Variants in ABI3BP observed in about 807,000 individuals in gnomAD.
The protein encoded by ABI3BP is ABI family member 3 binding protein.
ABI3BP carries 216 observed loss-of-function variants against 268.6 expected under a neutral mutation model. That is an observed-to-expected ratio of 0.80 (90% CI 0.72 to 0.90). The LOEUF (loss-of-function observed/expected upper bound fraction) is 0.90. ABI3BP is among the 40% of genes least tolerant of loss of function. The probability of loss-of-function intolerance (pLI) is 0.00; values close to 1 mark genes in which losing one functional copy is unlikely to be tolerated. For synonymous variants in ABI3BP, 730 were observed against 730.0 expected, an observed-to-expected ratio of 1.00 and a Z score of 0.00; for missense variants, 2,090 against 2,182.4, an observed-to-expected ratio of 0.96 and a Z score of 0.84.
rs748846576 is a variant in ABI3BP, at chr3:100,886,209, A to G, written c.576T>C (p.Phe192=). 1.9e-6 allele frequency: 3 copies of G among 1,609,180 alleles called. No individual in the cohort carries two copies. In the East Asian group the frequency reaches 6.7e-5, roughly 36 times the overall value. Reference sequence around the variant, plus strand: ...CACCTTCCACATTGTCTTTCACTCCAAATTCATAAACTGTGTTGGGCTTTA... The same window carrying G: ...CACCTTCCACATTGTCTTTCACTCCGAATTCATAAACTGTGTTGGGCTTTA... The part of the protein sequence containing the change: ...ENLKPNTVYE[F]GVKDNVEGGI... The change falls in exon 5 of 68, where the codon TTT becomes TTC. Residue 192 remains phenylalanine (F), a synonymous_variant. Coordinates refer to ENST00000471714, the MANE Select transcript of ABI3BP (RefSeq NM_001375547.2).
At position 100,794,999 on chromosome 3, in the gene ABI3BP, AG is replaced by A; in HGVS notation, c.3869del (p.Pro1290LeufsTer2). On this transcript the variant is annotated frameshift_variant, in exon 54 of 68. Coordinates refer to ENST00000471714, the MANE Select transcript of ABI3BP (RefSeq NM_001375547.2). LOFTEE classifies it high-confidence loss of function. ...TAAAAGGGATGCCTCGTGTCTCTAGAGGAGCTGCAAAAAGAAAAGGACCAAG... is the reference window on the plus strand; with the variant it reads ...TAAAAGGGATGCCTCGTGTCTCTAGAGAGCTGCAAAAAGAAAAGGACCAAG... ...RFEPPKTTIA[P>X]LETRGIPFIP... The A allele has an allele frequency of 6.7e-7, 1 of 1,496,652 alleles. No individual in the cohort carries two copies. The allele number at this position is 1,496,652 out of a possible 1,614,324, so 92.7% of individuals were successfully genotyped here. A position where few individuals can be genotyped will look rare whatever the true frequency, so the allele number is the denominator to read the frequency against.
chr3:100,775,644 C>T (rs141403154), intron 59 of ABI3BP, among the ~76,000 whole-genome samples: 241 of 152,134 alleles, frequency 1.6e-3, no homozygotes, highest in African/African-American at 5.4e-3. Context: ...AGAGAAATGC[C>T]TTCACAGAGG....
At chr3:100,904,426 T>A (rs1003021135) in intron 2 of ABI3BP, among the ~76,000 whole-genome samples, 3 of 152,178 alleles carry the variant, frequency 2.0e-5, no homozygotes, top group Non-Finnish European at 4.4e-5. Flanking sequence ...AGCATGTTCT[T>A]GCCTCCCCCA....
chr3:100,904,849 C>G (rs1481028483), intron 2 of ABI3BP, among the ~76,000 whole-genome samples: 2 of 152,182 alleles, frequency 1.3e-5, no homozygotes, highest in Non-Finnish European at 2.9e-5. Flanking sequence ...GGAAGTCAGT[C>G]TGGTGATTCC....
intron 1 of ABI3BP, among the ~76,000 whole-genome samples, chr3:100,964,201 A>C (rs2080341571): frequency 6.6e-6 from 1 of 152,148 alleles, no homozygotes; most frequent in African/African-American, 2.4e-5. Flanking sequence ...TGGCGGCTCC[A>C]TCTTCCCTTT....
intron 1 of ABI3BP, among the ~76,000 whole-genome samples, chr3:100,993,044 G>A (rs2093194873): frequency 1.3e-5 from 2 of 152,196 alleles, no homozygotes; most frequent in Non-Finnish European, 2.9e-5. Flanking sequence ...TAGTTAGAAA[G>A]TATACAGTTC....
intron 55 of ABI3BP, 77 bp downstream of exon 55, chr3:100,792,614 A>T: frequency 6.9e-7 from 1 of 1,450,116 alleles, no homozygotes; most frequent in East Asian, 2.3e-5. Flanking sequence ...GAGAAATGAC[A>T]TTCTGAAAGA....
intron 65 of ABI3BP, 109 bp downstream of exon 65, chr3:100,753,707 TAAG>T: frequency 2.6e-6 from 3 of 1,158,724 alleles, no homozygotes; most frequent in South Asian, 1.3e-5. Flanking sequence ...TTTGGTGTTA[TAAG>T]AAGACTAAGT....
At chr3:100,935,187 T>G (rs2065506902) in intron 1 of ABI3BP, among the ~76,000 whole-genome samples, 1 of 152,242 alleles carries the variant, frequency 6.6e-6, no homozygotes. Flanking sequence ...GTTTCTGCTT[T>G]TGGCATATGG....
At chr3:100,928,547 C>A (rs2062605069) in intron 1 of ABI3BP, among the ~76,000 whole-genome samples, 1 of 152,092 alleles carries the variant, frequency 6.6e-6, no homozygotes, top group Non-Finnish European at 1.5e-5. Flanking sequence ...ACCTCAGCAG[C>A]TAAGGCTATA....
chr3:100,985,440 T>C (rs760154423), intron 1 of ABI3BP, among the ~76,000 whole-genome samples: 10 of 152,188 alleles, frequency 6.6e-5, no homozygotes, highest in Non-Finnish European at 1.2e-4. Flanking sequence ...TGAGCCACCA[T>C]GCCTGGCCAG....
chr3:100,960,306 G>A (rs558359400), intron 1 of ABI3BP, among the ~76,000 whole-genome samples: 3 of 152,218 alleles, frequency 2.0e-5, no homozygotes, highest in South Asian at 2.1e-4. Context: ...TTGGAAACTC[G>A]GAAGACAAAG....
At chr3:100,848,247 C>T (rs112637833) in intron 18 of ABI3BP, among the ~76,000 whole-genome samples, 6,018 of 152,134 alleles carry the variant, frequency 0.04, 174 homozygotes, top group Non-Finnish European at 0.052. Flanking sequence ...AAACATCACT[C>T]GAATGAACAT....
At chr3:100,753,875 G>T in intron 64 of ABI3BP, 27 bp from the exon 65 acceptor site, 2 of 1,599,434 alleles carry the variant, frequency 1.3e-6, no homozygotes, top group Non-Finnish European at 1.7e-6. Context: ...AGAAAAGTCA[G>T]ACCTTACTAG....
chr3:100,911,760 T>C (rs2576388), intron 2 of ABI3BP: 1,006,799 of 1,010,510 alleles, frequency 1, 501,630 homozygotes, highest in East Asian at 1. Context: ...ATGAGTAGCG[T>C]AGCTTTCTGT....
chr3:100,919,513 G>A (rs1019814036), intron 2 of ABI3BP, among the ~76,000 whole-genome samples: 2 of 152,180 alleles, frequency 1.3e-5, no homozygotes, highest in South Asian at 2.1e-4. Context: ...AATATAAATT[G>A]CATTAAAATT....
At chr3:100,805,722 C>G (rs928263561) in intron 50 of ABI3BP, among the ~76,000 whole-genome samples, 20 of 151,976 alleles carry the variant, frequency 1.3e-4, no homozygotes, top group African/African-American at 4.8e-4. Flanking sequence ...GGTCTAAACA[C>G]TTGGGATCTC....
At chr3:100,825,890 A>C in intron 34 of ABI3BP, 46 bp from the exon 35 acceptor site, 1 of 1,363,652 alleles carries the variant, frequency 7.3e-7, no homozygotes, top group Non-Finnish European at 1.0e-6. Context: ...AATGTGTGGG[A>C]GCTATAGTAT....
chr3:100,884,578 G>T (rs148049785), intron 6 of ABI3BP, among the ~76,000 whole-genome samples: 1 of 151,674 alleles, frequency 6.6e-6, no homozygotes, highest in African/African-American at 2.4e-5. Flanking sequence ...TTTTTTTCCA[G>T]ACTGGGCCAC....
Sources: allele counts gnomAD v4.1 joint callset (sites outside exome capture counted in the v4.1 genomes callset), GRCh38; gene constraint gnomAD v4.1.1; transcripts MANE v1.5; gene names NCBI Gene and HGNC (gene_info 2026-07-23, HGNC 2026-07-21).